Variants in PKP4 observed in about 807,000 individuals in gnomAD.
The protein encoded by PKP4 is plakophilin 4.
A neutral mutation model predicts 145.1 loss-of-function variants in PKP4; 90 were observed. The ratio of observed to expected loss-of-function variants is 0.62; its 90% CI spans 0.52 to 0.74. The LOEUF (loss-of-function observed/expected upper bound fraction) is 0.74. PKP4 is among the 30% of genes least tolerant of loss of function. The pLI, the probability that PKP4 is intolerant of heterozygous loss-of-function variation, is 0.00. For synonymous variants in PKP4, 563 were observed against 577.2 expected, an observed-to-expected ratio of 0.98 and a Z score of 0.35; for missense variants, 1,340 against 1,482.7, an observed-to-expected ratio of 0.90 and a Z score of 1.58.
intron 10 of PKP4, among the ~76,000 whole-genome samples, chr2:158,642,149 G>A (rs953416833): frequency 2.6e-5 from 4 of 152,184 alleles, no homozygotes; most frequent in African/African-American, 9.7e-5. Context: ...AGCCTTCCAA[G>A]TAGTTGGGAT....
At chr2:158,507,457 A>G (rs993892573) in intron 1 of PKP4, among the ~76,000 whole-genome samples, 2 of 152,320 alleles carry the variant, frequency 1.3e-5, no homozygotes, top group Middle Eastern at 3.4e-3. Flanking sequence ...GGACTCGGTC[A>G]TGGCAACCTG....
At chr2:158,593,517 G>A (rs2049451719) in intron 3 of PKP4, among the ~76,000 whole-genome samples, 1 of 151,920 alleles carries the variant, frequency 6.6e-6, no homozygotes, top group African/African-American at 2.4e-5. Context: ...TTTCCCATAT[G>A]GTCTTCTGAC....
chr2:158,557,392 T>G (rs373814799), intron 2 of PKP4, among the ~76,000 whole-genome samples: 2 of 152,326 alleles, frequency 1.3e-5, no homozygotes, highest in East Asian at 3.9e-4. Flanking sequence ...ATGAATGAGC[T>G]GGGGTAGTGA....
At chr2:158,505,627 T>A (rs1363649882) in intron 1 of PKP4, among the ~76,000 whole-genome samples, 1 of 151,566 alleles carries the variant, frequency 6.6e-6, no homozygotes, top group Non-Finnish European at 1.5e-5. Flanking sequence ...AGCATTAAGG[T>A]GAGAAAAGAA....
intron 9 of PKP4, among the ~76,000 whole-genome samples, chr2:158,637,633 T>C (rs575300870): frequency 6.6e-6 from 1 of 152,346 alleles, no homozygotes; most frequent in South Asian, 2.1e-4. Context: ...CAAGTAAACA[T>C]GGGACTCGTG....
At chr2:158,506,471 A>C (rs2040986467) in intron 1 of PKP4, among the ~76,000 whole-genome samples, 1 of 152,178 alleles carries the variant, frequency 6.6e-6, no homozygotes, top group African/African-American at 2.4e-5. Context: ...ATTAGTCCTT[A>C]AGTATATGTT....
In PKP4 at chr2:158,477,160, T is replaced by C. The variant is rs558054039; in HGVS notation, c.-6+19942T>C. On this transcript the variant is annotated intron_variant, in intron 1 of 21. Transcript: ENST00000389759. Reference sequence around the variant, plus strand: ...GACCACATTTATTTGAAGATGACACTGAGGTTAGTGCTTGTAGAATCGCAA... The same window carrying C: ...GACCACATTTATTTGAAGATGACACCGAGGTTAGTGCTTGTAGAATCGCAA... Among the ~76,000 whole-genome samples, 6 of 152,264 alleles carry C rather than the reference T, an allele frequency of 3.9e-5. No homozygotes were observed. The South Asian group carries it at 1.0e-3, about 26-fold the overall frequency.
At chr2:158,627,687 A>G (rs189044611) in intron 7 of PKP4, among the ~76,000 whole-genome samples, 100 of 147,976 alleles carry the variant, frequency 6.8e-4, no homozygotes, top group African/African-American at 2.3e-3. Context: ...TCATTTCAGA[A>G]TAATCATGGC....
At chr2:158,609,490 G>T (rs568956566) in intron 4 of PKP4, among the ~76,000 whole-genome samples, 1 of 152,232 alleles carries the variant, frequency 6.6e-6, no homozygotes, top group Admixed American at 6.5e-5. Flanking sequence ...TTTATACTTT[G>T]CATGTTTACT....
chr2:158,569,233 G>A (rs1388349527), intron 2 of PKP4, among the ~76,000 whole-genome samples: 1 of 152,130 alleles, frequency 6.6e-6, no homozygotes, highest in East Asian at 1.9e-4. Context: ...AAAACTGGAG[G>A]AAAGATGTCA....
chr2:158,589,684 G>T (rs1477268075), intron 3 of PKP4, among the ~76,000 whole-genome samples: 2 of 152,070 alleles, frequency 1.3e-5, no homozygotes, highest in African/African-American at 4.8e-5. Context: ...ACTATTTTAG[G>T]GGGAAATTTT....
intron 2 of PKP4, among the ~76,000 whole-genome samples, chr2:158,537,674 A>T (rs2044168179): frequency 6.6e-6 from 1 of 152,202 alleles, no homozygotes; most frequent in Non-Finnish European, 1.5e-5. Flanking sequence ...TAGTTTTCAA[A>T]AATGTCTGAC....
chr2:158,591,331 T>C (rs1049803119), intron 3 of PKP4, among the ~76,000 whole-genome samples: 1 of 152,096 alleles, frequency 6.6e-6, no homozygotes, highest in Non-Finnish European at 1.5e-5. Context: ...AATAATATTG[T>C]GGTTATGTTA....
intron 15 of PKP4, 43 bp downstream of exon 15, chr2:158,663,488 A>T (rs763435483): frequency 3.3e-5 from 50 of 1,525,576 alleles, no homozygotes; most frequent in Admixed American, 5.2e-5. Flanking sequence ...CCATCTTTGC[A>T]AACTAACTTG....
At chr2:158,615,316 T>A (rs1219573729) in intron 4 of PKP4, among the ~76,000 whole-genome samples, 2 of 152,090 alleles carry the variant, frequency 1.3e-5, no homozygotes, top group Admixed American at 1.3e-4. Flanking sequence ...CCCTTACTTA[T>A]CCCTTTTTCA....
intron 7 of PKP4, among the ~76,000 whole-genome samples, chr2:158,631,042 A>C (rs2053306289): frequency 6.6e-6 from 1 of 152,028 alleles, no homozygotes; most frequent in Non-Finnish European, 1.5e-5. Context: ...GGTTCACGCC[A>C]TTCTCCTGCC....
intron 19 of PKP4, among the ~76,000 whole-genome samples, chr2:158,674,458 A>C (rs2057828971): frequency 6.6e-6 from 1 of 152,210 alleles, no homozygotes; most frequent in Non-Finnish European, 1.5e-5. Context: ...CCTTTACCAG[A>C]GGACCTTTAA....
Position 158,625,245 on chromosome 2 carries a change from G to A in PKP4, c.971G>A (p.Arg324Gln), listed in dbSNP as rs148588008. The change falls in exon 7 of 22, where the codon CGA becomes CAA. Residue 324 changes from arginine to glutamine, a missense_variant. Arg to Gln is a conservative substitution (Grantham distance 43). Coordinates refer to ENST00000389759, the MANE Select transcript of PKP4 (RefSeq NM_003628.6). ...CTGACCCTGACGGATGCACAGACTC[G>A]AGTAGCTTCCCCATCCCAAGGCCAG... ...SPLTLTDAQT[R>Q]VASPSQGQVG... 51 of 1,614,040 alleles carry A rather than the reference G, an allele frequency of 3.2e-5. No homozygotes were observed. Among genetic ancestry groups the A allele is most frequent in the Non-Finnish European group, 3.6e-5 (43 of 1,180,038 alleles).
chr2:158,533,416 C>T (rs780239664), intron 2 of PKP4, 100 bp downstream of exon 2: 3 of 1,372,496 alleles, frequency 2.2e-6, no homozygotes, highest in Non-Finnish European at 2.0e-6. Context: ...TCCTTGACGC[C>T]TTCACGTTTT....
Sources: gnomAD v4.1 joint callset for allele counts (sites outside exome capture counted in the v4.1 genomes callset) on GRCh38, gnomAD v4.1.1 for gene constraint, MANE v1.5 for transcripts, NCBI Gene and HGNC (gene_info 2026-07-23, HGNC 2026-07-21) for gene names.